The following GPLD1 variants were observed in gnomAD, a reference collection of about 807,000 sequenced individuals.
GPLD1 encodes glycosylphosphatidylinositol specific phospholipase D1.
A neutral mutation model predicts 112.6 loss-of-function variants in GPLD1; 84 were observed. The observed-to-expected ratio is 0.75, with a 90% confidence interval of 0.63 to 0.89. The LOEUF is 0.89. GPLD1 is among the 40% of genes least tolerant of loss of function. The pLI, the probability that GPLD1 is intolerant of heterozygous loss-of-function variation, is 0.00. For missense variants in GPLD1, 1,044 were observed against 1,051.5 expected, an observed-to-expected ratio of 0.99 and a Z score of 0.10; for synonymous variants, 386 against 403.8, an observed-to-expected ratio of 0.96 and a Z score of 0.53.
chr6:24,488,536 G>A (rs755778316), intron 1 of GPLD1, among the ~76,000 whole-genome samples: 6 of 152,114 alleles, frequency 3.9e-5, no homozygotes, highest in Non-Finnish European at 5.9e-5. Context: ...GTTAAAACAT[G>A]TTACAAATAC....
At chr6:24,484,484 G>A (rs1764308382) in intron 2 of GPLD1, among the ~76,000 whole-genome samples, 1 of 152,200 alleles carries the variant, frequency 6.6e-6, no homozygotes, top group Non-Finnish European at 1.5e-5. Context: ...CCAAAGTGCT[G>A]GGATCACAGG....
chr6:24,477,478 G>A lies in GPLD1; in HGVS notation c.233-1200C>T, dbSNP rs116624981. Among the ~76,000 whole-genome samples, 1,202 of 152,128 alleles carry A rather than the reference G, an allele frequency of 7.9e-3. 6 individuals are homozygous for A. Among genetic ancestry groups the A allele is most frequent in the Non-Finnish European group, 0.015 (989 of 67,998 alleles). The stretch of plus-strand genomic sequence containing the variant: ...GCACGCCTATAATCCCAGCACTTTG[G>A]GAGGCTGAAGTGGGAGGACCCCCTG... On this transcript the variant is annotated intron_variant, in intron 3 of 24. Coordinates refer to ENST00000230036, the MANE Select transcript of GPLD1 (RefSeq NM_001503.4).
At chr6:24,488,224 G>A (rs1247658155) in intron 1 of GPLD1, among the ~76,000 whole-genome samples, 1 of 151,972 alleles carries the variant, frequency 6.6e-6, no homozygotes, top group African/African-American at 2.4e-5. Context: ...TGGCTAACAT[G>A]GTGAAACCCC....
chr6:24,489,935 C>T (rs1764509856), upstream of GPLD1, among the ~76,000 whole-genome samples: 1 of 152,214 alleles, frequency 6.6e-6, no homozygotes, highest in African/African-American at 2.4e-5. Flanking sequence ...CCTCACCTTA[C>T]AAGGGTGGAT....
chr6:24,434,260 C>T (rs189765570), intron 22 of GPLD1, among the ~76,000 whole-genome samples: 2 of 151,696 alleles, frequency 1.3e-5, no homozygotes, highest in Admixed American at 6.6e-5. Flanking sequence ...TAGCCAGGCA[C>T]GGTGGTGTGC....
Position 24,466,764 on chromosome 6 carries a change from T to C in GPLD1, c.737A>G (p.Tyr246Cys), listed in dbSNP as rs201948271. The C allele has an allele frequency of 6.2e-7, 1 of 1,611,254 alleles. No individual in the cohort carries two copies. Reference sequence around the variant, plus strand: ...CATATCATCCAGTCCTCCAAGAAAATACTCTTGGAATTGTTCCACCAAAAA... The same window carrying C: ...CATATCATCCAGTCCTCCAAGAAAACACTCTTGGAATTGTTCCACCAAAAA... ...SPFLVEQFQE[Y>C]FLGGLDDMAF... Residue 246 changes from tyrosine (Y) to cysteine (C), a missense_variant, in exon 10 of 25, where the codon TAT becomes TGT. Transcript: ENST00000230036.
At chr6:24,465,718 T>A (rs1260438366) in intron 10 of GPLD1, among the ~76,000 whole-genome samples, 1 of 151,662 alleles carries the variant, frequency 6.6e-6, no homozygotes, top group South Asian at 2.1e-4. Flanking sequence ...ATATTTCGGC[T>A]GAGTTTCTGA....
intron 12 of GPLD1, among the ~76,000 whole-genome samples, chr6:24,457,597 G>A (rs1763308377): frequency 6.6e-6 from 1 of 152,108 alleles, no homozygotes; most frequent in Non-Finnish European, 1.5e-5. Context: ...ATATCCTCCA[G>A]ACCGGCCAGG....
rs1284926067 is a variant in GPLD1, at chr6:24,428,064, A to T, written c.*968T>A. 6.6e-6 allele frequency: 1 copy of T among 152,024 alleles called. No homozygotes were observed. Among genetic ancestry groups the T allele is most frequent in the Admixed American group, 6.6e-5 (1 of 15,258 alleles). 9.4% of individuals were successfully genotyped at this position (152,024 alleles called of 1,614,324 possible). The stretch of plus-strand genomic sequence containing the variant: ...CACATGTACCACTGAACCTAAAATA[A>T]AAGTTAAAAAGGACTAAGTCACAAG... On this transcript the variant is annotated 3_prime_UTR_variant, in exon 25 of 25. Transcript: ENST00000230036.
chr6:24,464,085 A>C (rs552751746), intron 10 of GPLD1, among the ~76,000 whole-genome samples: 2 of 125,892 alleles, frequency 1.6e-5, no homozygotes, highest in Non-Finnish European at 1.9e-5. Flanking sequence ...AAAACAAGTA[A>C]GTGCAGGTCA....
chr6:24,433,386 G>A lies in GPLD1; in HGVS notation c.2362C>T (p.Gln788Ter). The A allele has an allele frequency of 1.2e-6, 2 of 1,607,468 alleles. No homozygotes were observed. Among genetic ancestry groups the A allele is most frequent in the Non-Finnish European group, 1.7e-6 (2 of 1,174,400 alleles). ...WITPCPEEKA[Q>*]YVLISPEASS... Reference sequence around the variant, plus strand: ...ACTTCAGGAGAAATCAATACATATTGGGCCTGAAGAAAAAAATTGAGGAGA... The same window carrying A: ...ACTTCAGGAGAAATCAATACATATTAGGCCTGAAGAAAAAAATTGAGGAGA... Residue 788 changes from glutamine to a stop codon, truncating the protein, a stop_gained, in exon 23 of 25, where the codon CAA becomes TAA. Transcript: ENST00000230036. LOFTEE classifies it high-confidence loss of function.
In GPLD1 at chr6:24,445,528, TCA is replaced by T. The variant is rs775923886; in HGVS notation, c.2020+16_2020+17del. 5.1e-6 allele frequency: 8 copies of T among 1,566,886 alleles called. No individual in the cohort carries two copies. The highest frequency in any genetic ancestry group is 1.7e-4 in the Middle Eastern group (1 of 5,880). On this transcript the variant is annotated intron_variant, in intron 20 of 24. Transcript: ENST00000230036. ...CACATGACTGAAAGGAAGCACAGTT[TCA>T]CAGTGTGTGACCTACCGTACGTAGG...
At chr6:24,432,051 C>A (rs1299048110) in intron 24 of GPLD1, among the ~76,000 whole-genome samples, 1 of 151,724 alleles carries the variant, frequency 6.6e-6, no homozygotes, top group Non-Finnish European at 1.5e-5. Context: ...AGTTCAAGAC[C>A]AGCCTGGGCA....
chr6:24,424,464 A>ATGTT (rs1204971493), downstream of GPLD1: 1 of 151,976 alleles, frequency 6.6e-6, no homozygotes, highest in Non-Finnish European at 1.5e-5. Context: ...AAAAAGAAAA[A>ATGTT]TGTTTATTGT....
chr6:24,493,748 A>G (rs1764616756), upstream of GPLD1, among the ~76,000 whole-genome samples: 1 of 152,254 alleles, frequency 6.6e-6, no homozygotes, highest in Admixed American at 6.5e-5. Flanking sequence ...CTGACTCAGC[A>G]AAAGACAAAG....
At chr6:24,483,042 G>A (rs1260747974) in intron 2 of GPLD1, among the ~76,000 whole-genome samples, 1 of 152,046 alleles carries the variant, frequency 6.6e-6, no homozygotes, top group Non-Finnish European at 1.5e-5. Context: ...AAAGAATACA[G>A]AAAGGCTGCA....
chr6:24,453,827 C>G (rs1489106646), intron 14 of GPLD1, among the ~76,000 whole-genome samples, 188 bp downstream of exon 14: 1 of 151,942 alleles, frequency 6.6e-6, no homozygotes, highest in Non-Finnish European at 1.5e-5. Context: ...AGGTATTAGA[C>G]TAATGATAGA....
At chr6:24,476,343 C>T in intron 3 of GPLD1, 65 bp from the exon 4 acceptor site, 1 of 791,294 alleles carries the variant, frequency 1.3e-6, no homozygotes, top group Non-Finnish European at 2.2e-6. Flanking sequence ...ATCAAATCTT[C>T]CACACCACCC....
chr6:24,449,362 T>C (rs1402801968), intron 15 of GPLD1, among the ~76,000 whole-genome samples: 1 of 152,106 alleles, frequency 6.6e-6, no homozygotes, highest in Non-Finnish European at 1.5e-5. Flanking sequence ...GCAAGCCCTG[T>C]GGGCCAGGGT....
Sources: allele counts gnomAD v4.1 joint callset (sites outside exome capture counted in the v4.1 genomes callset), GRCh38; gene constraint gnomAD v4.1.1; transcripts MANE v1.5; gene names NCBI Gene and HGNC (gene_info 2026-07-23, HGNC 2026-07-21).